OSBPL3: variants seen among roughly 807,000 people sequenced by gnomAD.
The protein encoded by OSBPL3 is oxysterol-binding protein-related protein 3.
In OSBPL3, 65 loss-of-function variants were observed where a neutral mutation model predicts 120.1. The observed-to-expected ratio is 0.54, with a 90% confidence interval of 0.44 to 0.67. The LOEUF is 0.67. Ranked by LOEUF, OSBPL3 falls within the 30% of genes least tolerant of loss-of-function variation. OSBPL3 has a pLI of 0.00. For synonymous variants in OSBPL3, 416 were observed against 402.6 expected (o/e 1.03, Z -0.40); for missense variants, 1,004 against 1,082.1 (o/e 0.93, Z 1.01).
Position 24,834,848 on chromosome 7 carries a change from C to T in OSBPL3, c.1496-112G>A. On this transcript the variant is annotated intron_variant, in intron 14 of 22. Transcript: ENST00000313367. This position sits in a 1 kb window ranked among gnomAD's most constrained non-coding sequence, Gnocchi z 5.2. ...AAGTAGTCAATGTTACTATTAAACT[C>T]AGTTGTTCAGAGTATGGCTGAAGTC... 1.0e-6 allele frequency: 1 copy of T among 970,466 alleles called. No homozygotes were observed. The highest frequency in any genetic ancestry group is 1.5e-6 in the Non-Finnish European group (1 of 679,918). The allele number at this position is 970,466 out of a possible 1,614,324, so 60.1% of individuals were successfully genotyped here.
chr7:24,800,336 GTC>G lies in OSBPL3; in HGVS notation c.2568-59_2568-58del, dbSNP rs1792143446. ...CTTGAAACCAGCGTCACATTCTCAAGTCTCTTTCCTTCCTAACCTCCCTGCTT... is the reference window on the plus strand; with the variant it reads ...CTTGAAACCAGCGTCACATTCTCAAGTCTTTCCTTCCTAACCTCCCTGCTT... On this transcript the variant is annotated intron_variant, in intron 22 of 22. Transcript: ENST00000313367. 4.0e-6 allele frequency: 4 copies of G among 1,003,136 alleles called. No individual in the cohort carries two copies. The South Asian group carries it at 5.4e-5, about 13-fold the overall frequency. 62.1% of individuals were successfully genotyped at this position (1,003,136 alleles called of 1,614,324 possible).
intron 5 of OSBPL3, 79 bp from the exon 6 acceptor site, chr7:24,866,316 C>A (rs550827756): frequency 9.5e-7 from 1 of 1,051,164 alleles, no homozygotes; most frequent in African/African-American, 1.6e-5. Context: ...ATTGAGGCCA[C>A]TCTCAAAATC....
chr7:24,926,691 T>C (rs1811092963), intron 1 of OSBPL3, among the ~76,000 whole-genome samples: 1 of 152,148 alleles, frequency 6.6e-6, no homozygotes, highest in South Asian at 2.1e-4. Context: ...CTGCCTAACA[T>C]CCCCAGGCTG....
intron 12 of OSBPL3, among the ~76,000 whole-genome samples, chr7:24,847,929 G>A (rs1464422332): frequency 1.3e-5 from 2 of 152,192 alleles, no homozygotes; most frequent in African/African-American, 4.8e-5. Flanking sequence ...ACTGAAAAGT[G>A]ACCTCTTGTG....
At chr7:24,828,392 C>T (rs1008466824) in intron 16 of OSBPL3, among the ~76,000 whole-genome samples, 6 of 152,036 alleles carry the variant, frequency 3.9e-5, no homozygotes, top group Non-Finnish European at 8.8e-5. Flanking sequence ...GGGCGGATCC[C>T]ATGAGGTCAG....
chr7:24,927,921 T>C (rs1811264953), intron 1 of OSBPL3, among the ~76,000 whole-genome samples: 1 of 152,120 alleles, frequency 6.6e-6, no homozygotes, highest in South Asian at 2.1e-4. Context: ...CAAATTTTAA[T>C]CTCCAGTGTT....
In OSBPL3 at chr7:24,804,294, C is replaced by A; in HGVS notation, c.2567+21G>T. On this transcript the variant is annotated intron_variant, in intron 22 of 22. Coordinates refer to ENST00000313367, the MANE Select transcript of OSBPL3 (RefSeq NM_015550.4). The surrounding 1 kb of genome is among the most constrained non-coding windows in gnomAD (Gnocchi z 5.4). ...CTGGCACCACCTATCAACCAAAAAC[C>A]TACTCAATCCAGGCACGAACCTGAA... 6.2e-7 allele frequency: 1 copy of A among 1,614,046 alleles called. No individual in the cohort carries two copies. Among genetic ancestry groups the A allele is most frequent in the Non-Finnish European group, 8.5e-7 (1 of 1,179,958 alleles).
In OSBPL3 at chr7:24,851,909, T is replaced by G. The variant is rs1799203222; in HGVS notation, c.1158+595A>C. On this transcript the variant is annotated intron_variant, in intron 11 of 22. Coordinates refer to ENST00000313367, the MANE Select transcript of OSBPL3 (RefSeq NM_015550.4). The surrounding 1 kb of genome is among the most constrained non-coding windows in gnomAD (Gnocchi z 4.1). ...TGATTTTCCTGTTACTATGAAGGTA[T>G]AGTGATTGCCTGACAGGCACTTTCA... 6.6e-6 allele frequency among the ~76,000 whole-genome samples: 1 copy of G among 152,194 alleles called. No homozygotes were observed. Among genetic ancestry groups the G allele is most frequent in the Non-Finnish European group, 1.5e-5 (1 of 68,036 alleles).
At position 24,879,139 on chromosome 7, in the gene OSBPL3, GT is replaced by G. The variant is rs1037476072; in HGVS notation, c.97-7071del. On this transcript the variant is annotated intron_variant, in intron 2 of 22. Transcript: ENST00000313367. This position sits in a 1 kb window ranked among gnomAD's most constrained non-coding sequence, Gnocchi z 5.6. Reference sequence around the variant, plus strand: ...TGGAGTGCTCCATCAGAGGCTGGTGGTCACCTGGCAGAGGCACCACAGAGAA... The same window carrying G: ...TGGAGTGCTCCATCAGAGGCTGGTGGCACCTGGCAGAGGCACCACAGAGAA... 1.0e-3 allele frequency among the ~76,000 whole-genome samples: 158 copies of G among 152,294 alleles called. No homozygotes were observed. Among genetic ancestry groups the G allele is most frequent in the African/African-American group, 3.5e-3 (147 of 41,552 alleles).
chr7:24,911,035 G>A (rs1473454798), intron 1 of OSBPL3, among the ~76,000 whole-genome samples: 1 of 152,224 alleles, frequency 6.6e-6, no homozygotes, highest in Non-Finnish European at 1.5e-5. Context: ...AGCAAGGGTT[G>A]AGCCACTGCT....
intron 19 of OSBPL3, among the ~76,000 whole-genome samples, chr7:24,812,321 A>C (rs926498930): frequency 2.0e-5 from 3 of 151,556 alleles, no homozygotes; most frequent in Non-Finnish European, 4.4e-5. Flanking sequence ...AAAAAAAAAA[A>C]AAAGAACAAG....
chr7:24,917,401 C>CATATAT (rs59525014), intron 1 of OSBPL3, among the ~76,000 whole-genome samples: 1,091 of 99,962 alleles, frequency 0.011, 18 homozygotes, highest in African/African-American at 0.021. Flanking sequence ...ATATTTGTAA[C>CATATAT]ATATATATAT....
In OSBPL3 at chr7:24,804,947, T is replaced by C. The variant is rs1355648721; in HGVS notation, c.2445-510A>G. Reference sequence around the variant, plus strand: ...ACATCTTCATTTTTTAATAGCCACATAATATCCAGTTGCGTGGATGTATAT... The same window carrying C: ...ACATCTTCATTTTTTAATAGCCACACAATATCCAGTTGCGTGGATGTATAT... On this transcript the variant is annotated intron_variant, in intron 21 of 22. Coordinates refer to ENST00000313367, the MANE Select transcript of OSBPL3 (RefSeq NM_015550.4). This position sits in a 1 kb window ranked among gnomAD's most constrained non-coding sequence, Gnocchi z 5.4. Among the ~76,000 whole-genome samples the C allele has an allele frequency of 6.6e-6, 1 of 152,242 alleles. No homozygotes were observed. The highest frequency in any genetic ancestry group is 2.4e-5 in the African/African-American group (1 of 41,470).
At chr7:24,885,329 C>G (rs1005335655) in intron 2 of OSBPL3, among the ~76,000 whole-genome samples, 1 of 152,088 alleles carries the variant, frequency 6.6e-6, no homozygotes, top group African/African-American at 2.4e-5. Context: ...TTCACTTTTC[C>G]CTCCTTGGCA....
At chr7:24,865,523 G>A (rs1801188160) in intron 6 of OSBPL3, 58 bp from the exon 7 acceptor site, 1 of 1,572,314 alleles carries the variant, frequency 6.4e-7, no homozygotes, top group South Asian at 1.1e-5. Context: ...TTGGGGACAT[G>A]TTAAGACAAA....
chr7:24,900,908 C>G lies in OSBPL3; in HGVS notation c.-149-8287G>C, dbSNP rs970237975. Reference sequence around the variant, plus strand: ...TGCTAGTGCACACCTGTAGTATCAGCTACTGGGGAGGCTGAAGTGGGAGGA... The same window carrying G: ...TGCTAGTGCACACCTGTAGTATCAGGTACTGGGGAGGCTGAAGTGGGAGGA... On this transcript the variant is annotated intron_variant, in intron 1 of 22. Coordinates refer to ENST00000313367, the MANE Select transcript of OSBPL3 (RefSeq NM_015550.4). The surrounding 1 kb of genome is among the most constrained non-coding windows in gnomAD (Gnocchi z 4.5). 6.6e-6 allele frequency among the ~76,000 whole-genome samples: 1 copy of G among 152,062 alleles called. No individual in the cohort carries two copies. The highest frequency in any genetic ancestry group is 2.4e-5 in the African/African-American group (1 of 41,404).
In OSBPL3 at chr7:24,826,710, G is replaced by A. The variant is rs1434072956; in HGVS notation, c.1884+4058C>T. Reference sequence around the variant, plus strand: ...AGATCAAGTAAGATCATGAATGCACGGAGCACTCTACAAATCTAATACTTG... The same window carrying A: ...AGATCAAGTAAGATCATGAATGCACAGAGCACTCTACAAATCTAATACTTG... On this transcript the variant is annotated intron_variant, in intron 16 of 22. Transcript: ENST00000313367. 2.6e-5 allele frequency among the ~76,000 whole-genome samples: 4 copies of A among 152,172 alleles called. No individual in the cohort carries two copies. The East Asian group carries it at 7.7e-4, about 29-fold the overall frequency.
chr7:24,840,693 A>G lies in OSBPL3; in HGVS notation c.1492T>C (p.Leu498=), dbSNP rs775865313. 1.2e-5 allele frequency: 16 copies of G among 1,309,060 alleles called. No homozygotes were observed. The highest frequency in any genetic ancestry group is 9.1e-5 in the Admixed American group (4 of 44,074). The allele number at this position is 1,309,060 out of a possible 1,614,324, so 81.1% of individuals were successfully genotyped here. A position where few individuals can be genotyped will look rare whatever the true frequency, so the allele number is the denominator to read the frequency against. Residue 498 remains leucine, a synonymous_variant, in exon 14 of 23, where the codon TTG becomes CTG. Coordinates refer to ENST00000313367, the MANE Select transcript of OSBPL3 (RefSeq NM_015550.4). ...SNDLDNERQT[L]GPVLDSGREA... The stretch of plus-strand genomic sequence containing the variant: ...GATTAAATAATGTAAATCTTACCCA[A>G]GGTCTGTCTCTCATTATCTAAATCA...
chr7:24,801,903 T>C (rs1342642290), intron 22 of OSBPL3, among the ~76,000 whole-genome samples: 2 of 152,246 alleles, frequency 1.3e-5, no homozygotes, highest in Non-Finnish European at 2.9e-5. Context: ...ATTTACTTAA[T>C]AGGTACCCCA....
Sources: allele counts gnomAD v4.1 joint callset (sites outside exome capture counted in the v4.1 genomes callset), GRCh38; gene constraint gnomAD v4.1.1; non-coding constraint Gnocchi (gnomAD v3.1); transcripts MANE v1.5; gene names NCBI Gene and HGNC (gene_info 2026-07-23, HGNC 2026-07-21).